Variants in CCT2 observed in about 807,000 individuals in gnomAD.
CCT2 encodes chaperonin containing TCP1 subunit 2.
A neutral mutation model predicts 61.8 loss-of-function variants in CCT2; 18 were observed. The ratio of observed to expected loss-of-function variants is 0.29; its 90% confidence interval spans 0.20 to 0.43. CCT2 has a LOEUF of 0.43. Among genes scored for constraint, CCT2 ranks in the 20% least tolerant of loss-of-function variants. The pLI is 1.00. For missense variants in CCT2, 556 were observed against 656.9 expected, an observed-to-expected ratio of 0.85 and a Z score of 1.68; for synonymous variants, 248 against 215.9, an observed-to-expected ratio of 1.15 and a Z score of -1.30.
chr12:69,587,584 G>C lies in CCT2; in HGVS notation c.224G>C (p.Gly75Ala). The change falls in exon 4 of 16, where the codon GGT (glycine) becomes GCT (alanine). Residue 75 changes from glycine to alanine, a missense_variant. Gly to Ala is a moderately conservative substitution (Grantham distance 60). Around this residue, in one of 3 missense-constraint regions of CCT2, gnomAD observed 308 missense variants for 350.6 expected, o/e 0.88. Transcript: ENST00000299300. ...GGTGCCACTATTCTAAAAAACATTG[G>C]TGTTGACAATCCAGCAGCTAAAGTT... ...NDGATILKNIGVDNPAAKVLV... is the reference protein window; with the variant it reads ...NDGATILKNIAVDNPAAKVLV... 2.5e-6 allele frequency: 4 copies of C among 1,612,706 alleles called. No homozygotes were observed. Among genetic ancestry groups the C allele is most frequent in the Non-Finnish European group, 3.4e-6 (4 of 1,178,782 alleles).
In CCT2 at chr12:69,601,515, G is replaced by T; in HGVS notation, c.*190G>T. On this transcript the variant is annotated 3_prime_UTR_variant, in exon 16 of 16. Coordinates refer to ENST00000299300, the MANE Select transcript of CCT2 (RefSeq NM_006431.3). Reference sequence around the variant, plus strand: ...GTGTCATTTTCCATACAAATCAGTTGATTTAAAAAAGTTCATTTCTCATAC... The same window carrying T: ...GTGTCATTTTCCATACAAATCAGTTTATTTAAAAAAGTTCATTTCTCATAC... 1 of 1,429,494 alleles carries T rather than the reference G, an allele frequency of 7.0e-7. No homozygotes were observed. The highest frequency in any genetic ancestry group is 9.2e-7 in the Non-Finnish European group (1 of 1,092,794). 88.6% of individuals were successfully genotyped at this position (1,429,494 alleles called of 1,614,324 possible). A position where few individuals can be genotyped will look rare whatever the true frequency, so the allele number is the denominator to read the frequency against.
intron 10 of CCT2, among the ~76,000 whole-genome samples, chr12:69,594,411 T>C (rs1475634894): frequency 6.6e-6 from 1 of 152,200 alleles, no homozygotes; most frequent in Non-Finnish European, 1.5e-5. Context: ...TTTCTGAAAG[T>C]AATAAACGTT....
At chr12:69,585,844 G>T (rs1291126527) in intron 1 of CCT2, 6 of 1,316,706 alleles carry the variant, frequency 4.6e-6, no homozygotes, top group Non-Finnish European at 5.8e-6. Context: ...TCTAGGGGCG[G>T]AGCCTGGAGC....
intron 9 of CCT2, 132 bp from the exon 10 acceptor site, chr12:69,593,378 G>C (rs1336634617): frequency 3.1e-6 from 2 of 647,318 alleles, no homozygotes; most frequent in African/African-American, 3.7e-5. Flanking sequence ...TAATTATATA[G>C]GTAAGAAATG....
At chr12:69,589,326 C>T in intron 6 of CCT2, 159 bp from the exon 7 acceptor site, 1 of 608,384 alleles carries the variant, frequency 1.6e-6, no homozygotes, top group Non-Finnish European at 2.8e-6. Flanking sequence ...AAAATAACAT[C>T]TTTAATTTGT....
Position 69,589,519 on chromosome 12 carries a change from A to T in CCT2, c.481A>T (p.Asn161Tyr), listed in dbSNP as rs1365568202. The T allele has an allele frequency of 6.2e-7, 1 of 1,613,994 alleles. No individual in the cohort carries two copies. Among genetic ancestry groups the T allele is most frequent in the Non-Finnish European group, 8.5e-7 (1 of 1,179,976 alleles). The change falls in exon 7 of 16, where the codon AAT becomes TAT. Residue 161 changes from asparagine (N) to tyrosine (Y), a missense_variant. Physicochemically the swap from Asn to Tyr is moderately radical, Grantham distance 143 (BLOSUM62 -2). Transcript: ENST00000299300. The part of the protein sequence containing the change: ...DEVKFRQDLM[N>Y]IAGTTLSSKL... Reference sequence around the variant, plus strand: ...AGTTAAATTCCGTCAAGATTTAATGAATATTGCGGGCACAACATTATCCTC... The same window carrying T: ...AGTTAAATTCCGTCAAGATTTAATGTATATTGCGGGCACAACATTATCCTC...
At chr12:69,587,656 G>A (rs1881705701) in intron 4 of CCT2, 40 bp downstream of exon 4, 1 of 1,252,332 alleles carries the variant, frequency 8.0e-7, no homozygotes, top group African/African-American at 1.5e-5. Context: ...TAATAATACT[G>A]TTTGTTAACA....
chr12:69,599,948 A>G lies in CCT2; in HGVS notation c.1521A>G (p.Ala507=). 1.9e-6 allele frequency: 3 copies of G among 1,613,930 alleles called. No homozygotes were observed. In the South Asian group the frequency reaches 3.3e-5, roughly 18 times the overall value. ...TGAAGCGACAGGTTCTTCTGAGTGC[A>G]GCTGAAGCAGCAGAGGTGATTCTGC... ...FQVKRQVLLS[A]AEAAEVILRV... Residue 507 remains alanine (A), a synonymous_variant, in exon 15 of 16, where the codon GCA becomes GCG. Transcript: ENST00000299300.
At position 69,601,294 on chromosome 12, in the gene CCT2, G is replaced by A; in HGVS notation, c.1578-1G>A. On this transcript the variant is annotated splice_acceptor_variant, in intron 15 of 15. Coordinates refer to ENST00000299300, the MANE Select transcript of CCT2 (RefSeq NM_006431.3). LOFTEE classifies it high-confidence loss of function. ...TATTGACTTTTTTCTTACTCTCATA[G>A]GAAACGTGTCCCTGATCACCACCCC... 1 of 1,598,524 alleles carries A rather than the reference G, an allele frequency of 6.3e-7. No homozygotes were observed. The highest frequency in any genetic ancestry group is 8.5e-7 in the Non-Finnish European group (1 of 1,175,508).
At chr12:69,586,210 T>A in intron 1 of CCT2, 60 bp from the exon 2 acceptor site, 1 of 1,289,286 alleles carries the variant, frequency 7.8e-7, no homozygotes, top group African/African-American at 1.5e-5. Context: ...GGAAGGCACC[T>A]CAGTGTATGT....
rs1292888724 is a variant in CCT2 at position 69,591,954 on chromosome 12, T to C, written c.650-105T>C. ...AAGAGCTTGGTAAATTGGACTTAAA[T>C]AGCTTCTTTGAAACAGTGATATGAT... On this transcript the variant is annotated intron_variant, in intron 7 of 15. Transcript: ENST00000299300. 4 of 646,772 alleles carry C rather than the reference T, an allele frequency of 6.2e-6. No individual in the cohort carries two copies. In the South Asian group the frequency reaches 6.8e-5, roughly 11 times the overall value. The allele number at this position is 646,772 out of a possible 1,614,324, so 40.1% of individuals were successfully genotyped here.
intron 6 of CCT2, 117 bp downstream of exon 6, chr12:69,588,379 C>A: frequency 1.4e-6 from 1 of 716,046 alleles, no homozygotes; most frequent in South Asian, 1.8e-5. Context: ...GCTGCCTCAC[C>A]CCACTCCAAC....
rs766120303 is a variant in CCT2, at chr12:69,588,222, G to C, written c.406G>C (p.Ala136Pro). 5 of 1,614,026 alleles carry C rather than the reference G, an allele frequency of 3.1e-6. No individual in the cohort carries two copies. In the African/African-American group the frequency reaches 4.0e-5, roughly 13 times the overall value. Residue 136 changes from alanine to proline, a missense_variant, in exon 6 of 16, where the codon GCT (alanine) becomes CCT (proline). This residue lies in a region of CCT2 where 308 missense variants were observed against 350.6 expected (regional missense o/e 0.88). Transcript: ENST00000299300. ...AGCGGGTTGGAGAGAAGCCACGAAG[G>C]CTGCAAGAGAGGCGCTGTTGAGTTC... ...IIAGWREATK[A>P]AREALLSSAV...
At chr12:69,598,994 G>A (rs1882074152) in intron 14 of CCT2, among the ~76,000 whole-genome samples, 1 of 152,190 alleles carries the variant, frequency 6.6e-6, no homozygotes, top group South Asian at 2.1e-4. Context: ...AGTTGGGTAG[G>A]TAACTTATGA....
intron 13 of CCT2, 86 bp downstream of exon 13, chr12:69,598,157 C>T: frequency 1.8e-6 from 2 of 1,084,714 alleles, no homozygotes; most frequent in Non-Finnish European, 2.7e-6. Flanking sequence ...CTGGTTAATA[C>T]TGCTTTTAAA....
intron 8 of CCT2, 72 bp downstream of exon 8, chr12:69,592,231 A>G (rs1765728032): frequency 4.9e-6 from 4 of 809,146 alleles, no homozygotes; most frequent in Non-Finnish European, 6.1e-6. Flanking sequence ...AATCCTAGCA[A>G]TTTGGGAGGC....
rs181984815 is a variant in CCT2, at chr12:69,586,603, G to A, written c.79-150G>A. 1.4e-3 allele frequency: 931 copies of A among 679,718 alleles called. 10 individuals carry two copies. In the African/African-American group the frequency reaches 0.015, roughly 11 times the overall value. 42.1% of individuals were successfully genotyped at this position (679,718 alleles called of 1,614,324 possible). A position where few individuals can be genotyped will look rare whatever the true frequency, so the allele number is the denominator to read the frequency against. ...GGATCGCTTGAACCCAGGAGGCGGA[G>A]GTTGCAGTGAGCTGAGATCGCGCCA... On this transcript the variant is annotated intron_variant, in intron 2 of 15. Coordinates refer to ENST00000299300, the MANE Select transcript of CCT2 (RefSeq NM_006431.3).
chr12:69,585,994 C>T (rs780631202), intron 1 of CCT2: 8 of 1,332,090 alleles, frequency 6.0e-6, no homozygotes, highest in Non-Finnish European at 7.7e-6. Flanking sequence ...AGTTCAAGAT[C>T]GTCTTTAGTC....
intron 10 of CCT2, 75 bp from the exon 11 acceptor site, chr12:69,597,081 A>G: frequency 1.5e-6 from 2 of 1,365,640 alleles, no homozygotes; most frequent in Non-Finnish European, 1.0e-6. Context: ...ATCATTATCT[A>G]TCCATTACTG....
Sources: allele counts gnomAD v4.1 joint callset (sites outside exome capture counted in the v4.1 genomes callset), GRCh38; gene constraint gnomAD v4.1.1; regional missense constraint gnomAD v4.1.1; transcripts MANE v1.5; gene names NCBI Gene and HGNC (gene_info 2026-07-23, HGNC 2026-07-21).